The following TNIK variants were observed in gnomAD, a reference collection of about 807,000 sequenced individuals.
The protein encoded by TNIK is TRAF2 and NCK-interacting protein kinase.
In TNIK, 49 loss-of-function variants were observed where a neutral mutation model predicts 191.3. The ratio of observed to expected loss-of-function variants is 0.26; its 90% CI spans 0.20 to 0.32. The LOEUF is 0.32. Among genes scored for constraint, TNIK ranks in the 10% least tolerant of loss-of-function variants. The pLI is 1.00. For synonymous variants in TNIK, 594 were observed against 600.9 expected, an observed-to-expected ratio of 0.99 and a Z score of 0.17; for missense variants, 1,155 against 1,702.3, an observed-to-expected ratio of 0.68 and a Z score of 5.66.
Position 171,369,541 on chromosome 3 carries a change from G to A in TNIK, c.123+79C>T, listed in dbSNP as rs535342471. 7.1e-4 allele frequency: 781 copies of A among 1,107,204 alleles called. 1 individual carries two copies. Among genetic ancestry groups the A allele is most frequent in the Non-Finnish European group, 9.3e-4 (719 of 775,212 alleles). The allele number at this position is 1,107,204 out of a possible 1,614,324, so 68.6% of individuals were successfully genotyped here. A position where few individuals can be genotyped will look rare whatever the true frequency, so the allele number is the denominator to read the frequency against. ...TAAATTTGTTAGGAGCCATTTATGA[G>A]CCAGTATAGACAGCACTGCAATTTG... On this transcript the variant is annotated intron_variant, in intron 2 of 32. Transcript: ENST00000436636.
intron 2 of TNIK, among the ~76,000 whole-genome samples, chr3:171,244,060 G>GTTT (rs34724564): frequency 0.39 from 52,489 of 135,562 alleles, 10,493 homozygotes; most frequent in East Asian, 0.5. Flanking sequence ...GACAGAAATA[G>GTTT]TTTTTTTTTT....
chr3:171,144,478 T>C (rs1731263830), intron 12 of TNIK, among the ~76,000 whole-genome samples: 1 of 152,228 alleles, frequency 6.6e-6, no homozygotes, highest in African/African-American at 2.4e-5. Flanking sequence ...TTAAAAGTTC[T>C]TATTTTAAAT....
intron 16 of TNIK, 95 bp downstream of exon 16, chr3:171,128,619 G>A: frequency 7.1e-7 from 1 of 1,406,418 alleles, no homozygotes; most frequent in Non-Finnish European, 9.4e-7. Context: ...ATTTGATCCT[G>A]TGCCTGAATC....
chr3:171,361,863 C>G (rs1715027031), intron 2 of TNIK, among the ~76,000 whole-genome samples: 2 of 152,078 alleles, frequency 1.3e-5, no homozygotes, highest in South Asian at 4.1e-4. Flanking sequence ...TGGGTTATAT[C>G]ATGAAAACTG....
chr3:171,167,670 A>G (rs532959774), intron 9 of TNIK, among the ~76,000 whole-genome samples: 33 of 152,330 alleles, frequency 2.2e-4, no homozygotes, highest in Admixed American at 1.7e-3. Context: ...TAGTTCAGAT[A>G]TGTAGGATGA....
intron 29 of TNIK, among the ~76,000 whole-genome samples, chr3:171,069,506 A>G (rs1354221040): frequency 1.3e-5 from 2 of 152,188 alleles, no homozygotes; most frequent in Non-Finnish European, 2.9e-5. Flanking sequence ...ATGAGTAGGC[A>G]TAAGATTGGC....
chr3:171,313,959 CAG>C (rs1373065968), intron 2 of TNIK, among the ~76,000 whole-genome samples: 3 of 152,106 alleles, frequency 2.0e-5, no homozygotes, highest in Admixed American at 6.6e-5. Flanking sequence ...GGGTACAAAA[CAG>C]AGAAACACAC....
At chr3:171,222,099 A>C (rs1742415468) in intron 3 of TNIK, among the ~76,000 whole-genome samples, 1 of 152,172 alleles carries the variant, frequency 6.6e-6, no homozygotes, top group Non-Finnish European at 1.5e-5. Flanking sequence ...GTGGCTCAGA[A>C]AAGTTAAAAT....
At chr3:171,414,674 T>C (rs1006723110) in intron 1 of TNIK, among the ~76,000 whole-genome samples, 1 of 152,230 alleles carries the variant, frequency 6.6e-6, no homozygotes, top group Non-Finnish European at 1.5e-5. Context: ...GTTCATTTTA[T>C]GGCACCACAG....
intron 2 of TNIK, among the ~76,000 whole-genome samples, chr3:171,352,962 T>TC (rs1559963510): frequency 6.6e-6 from 1 of 152,216 alleles, no homozygotes; most frequent in Non-Finnish European, 1.5e-5. Flanking sequence ...TGGCTGGGTT[T>TC]CTACCTTAAA....
chr3:171,309,006 T>C (rs1283500761), intron 2 of TNIK, among the ~76,000 whole-genome samples: 1 of 152,120 alleles, frequency 6.6e-6, no homozygotes, highest in Non-Finnish European at 1.5e-5. Flanking sequence ...TCAAAGCACT[T>C]AAAAACAGAA....
intron 3 of TNIK, among the ~76,000 whole-genome samples, chr3:171,217,914 T>C (rs994616227): frequency 6.6e-6 from 1 of 152,108 alleles, no homozygotes; most frequent in Non-Finnish European, 1.5e-5. Flanking sequence ...TTTGCCAAGG[T>C]CGTGTGGCTG....
chr3:171,443,411 C>T (rs1003933756), intron 1 of TNIK, among the ~76,000 whole-genome samples: 1 of 152,168 alleles, frequency 6.6e-6, no homozygotes, highest in African/African-American at 2.4e-5. Flanking sequence ...AAATTTGTAG[C>T]TTTCTTAGAC....
At chr3:171,294,366 G>T (rs1312127553) in intron 2 of TNIK, among the ~76,000 whole-genome samples, 1 of 152,200 alleles carries the variant, frequency 6.6e-6, no homozygotes, top group African/African-American at 2.4e-5. Context: ...CAAGGCTGCA[G>T]TGAGCTATGA....
chr3:171,258,160 A>G (rs927560452), intron 2 of TNIK, among the ~76,000 whole-genome samples: 1 of 152,202 alleles, frequency 6.6e-6, no homozygotes, highest in Admixed American at 6.5e-5. Flanking sequence ...GCAGTAAAAT[A>G]TAGCTGTACC....
At chr3:171,316,997 A>AT in intron 2 of TNIK, among the ~76,000 whole-genome samples, 1 of 112,176 alleles carries the variant, frequency 8.9e-6, no homozygotes, top group South Asian at 2.8e-4. Flanking sequence ...AAAATATATA[A>AT]TTATATGATA....
At chr3:171,444,819 C>T (rs934014786) in intron 1 of TNIK, among the ~76,000 whole-genome samples, 1 of 152,086 alleles carries the variant, frequency 6.6e-6, no homozygotes, top group Non-Finnish European at 1.5e-5. Flanking sequence ...TTACTATTTC[C>T]TATTCTGCAA....
At chr3:171,187,007 T>A (rs894178538) in intron 7 of TNIK, among the ~76,000 whole-genome samples, 3 of 152,194 alleles carry the variant, frequency 2.0e-5, no homozygotes, top group Non-Finnish European at 2.9e-5. Flanking sequence ...TTTATTTACA[T>A]AACAAAAGTC....
chr3:171,241,940 TCTCA>T (rs1745037813), intron 2 of TNIK, among the ~76,000 whole-genome samples: 1 of 151,312 alleles, frequency 6.6e-6, no homozygotes, highest in African/African-American at 2.4e-5. Flanking sequence ...CACCACATGT[TCTCA>T]CTCAGGTGGG....
Sources: gnomAD v4.1 joint callset for allele counts (sites outside exome capture counted in the v4.1 genomes callset) on GRCh38, gnomAD v4.1.1 for gene constraint, MANE v1.5 for transcripts, NCBI Gene and HGNC (gene_info 2026-07-23, HGNC 2026-07-21) for gene names.